The following ANKRD13A variants were observed in gnomAD, a reference collection of about 807,000 sequenced individuals.
ANKRD13A encodes ankyrin repeat domain 13A, also known as ankyrin repeat domain-containing protein 13A.
Under a neutral mutation model 81.3 loss-of-function variants are expected in ANKRD13A, and 48 were observed. The ratio of observed to expected loss-of-function variants is 0.59; its 90% CI spans 0.47 to 0.75. The LOEUF (loss-of-function observed/expected upper bound fraction) is 0.75. Among genes scored for constraint, ANKRD13A ranks in the 30% least tolerant of loss-of-function variants. The pLI is 0.00. For synonymous variants in ANKRD13A, 230 were observed against 270.1 expected, an observed-to-expected ratio of 0.85 and a Z score of 1.45; for missense variants, 612 against 734.0, an observed-to-expected ratio of 0.83 and a Z score of 1.92.
intron 3 of ANKRD13A, among the ~76,000 whole-genome samples, chr12:110,016,068 C>T (rs1890786364): frequency 6.6e-6 from 1 of 151,762 alleles, no homozygotes; most frequent in Non-Finnish European, 1.5e-5. Flanking sequence ...CCTCCCACCT[C>T]AGCCTCCTGA....
chr12:110,020,156 C>T (rs982160514), intron 6 of ANKRD13A, among the ~76,000 whole-genome samples: 1 of 152,066 alleles, frequency 6.6e-6, no homozygotes, highest in Admixed American at 6.6e-5. Context: ...ACATCCAGCT[C>T]TCTGCAAGTC....
chr12:110,016,753 ATTT>A (rs1890824415), intron 4 of ANKRD13A, among the ~76,000 whole-genome samples: 1 of 151,730 alleles, frequency 6.6e-6, no homozygotes, highest in Non-Finnish European at 1.5e-5. Context: ...ATGTCACTTT[ATTT>A]TTATTTTTTA....
chr12:110,023,965 A>C (rs371655787), intron 6 of ANKRD13A, 81 bp from the exon 7 acceptor site: 3 of 1,406,026 alleles, frequency 2.1e-6, no homozygotes, highest in South Asian at 2.5e-5. Flanking sequence ...GCTGGGGGGG[A>C]AAAAAACTAT....
intron 1 of ANKRD13A, among the ~76,000 whole-genome samples, chr12:110,000,459 T>C (rs1227203373): frequency 6.6e-6 from 1 of 152,208 alleles, no homozygotes; most frequent in Non-Finnish European, 1.5e-5. Flanking sequence ...TAAAATCCCT[T>C]CCTGTTCTAA....
intron 1 of ANKRD13A, among the ~76,000 whole-genome samples, chr12:110,005,425 C>T (rs900249383): frequency 6.6e-6 from 1 of 152,178 alleles, no homozygotes; most frequent in Admixed American, 6.5e-5. Context: ...GCCACTGCAC[C>T]CACCCTGTAA....
rs73205045 is a variant in ANKRD13A at position 110,006,895 on chromosome 12, C to T, written c.97-5110C>T. ...ATAGGGATGAGCCAATGAGCTCAGCCAAAATTTTGTTCTTTTGCATGTAGA... is the reference window on the plus strand; with the variant it reads ...ATAGGGATGAGCCAATGAGCTCAGCTAAAATTTTGTTCTTTTGCATGTAGA... On this transcript the variant is annotated intron_variant, in intron 1 of 14. Transcript: ENST00000261739. 8.5e-3 allele frequency among the ~76,000 whole-genome samples: 1,289 copies of T among 152,278 alleles called. 15 individuals carry two copies. The highest frequency in any genetic ancestry group is 0.014 in the Non-Finnish European group (962 of 68,018).
rs1301675913 is a variant in ANKRD13A at position 109,999,937 on chromosome 12, G to C, written c.96+153G>C. Among the ~76,000 whole-genome samples the C allele has an allele frequency of 6.6e-6, 1 of 152,202 alleles. No homozygotes were observed. Among genetic ancestry groups the C allele is most frequent in the Non-Finnish European group, 1.5e-5 (1 of 68,038 alleles). ...TGGGACAGTCCTAATAATAGGACAC[G>C]TATCGAGTGCTTACCGTGCGACGGG... On this transcript the variant is annotated intron_variant, in intron 1 of 14. Coordinates refer to ENST00000261739, the MANE Select transcript of ANKRD13A (RefSeq NM_033121.2). This position sits in a 1 kb window ranked among gnomAD's most constrained non-coding sequence, Gnocchi z 4.3.
rs1892151655 is a variant in ANKRD13A at position 110,037,738 on chromosome 12, G to A, written c.*184G>A. The stretch of plus-strand genomic sequence containing the variant: ...GGGCCCATCCAGGCTGCTCCCTGGG[G>A]TGGAGAAGGGACCAGGGATTGCAGG... On this transcript the variant is annotated 3_prime_UTR_variant, in exon 15 of 15. Transcript: ENST00000261739. 2 of 549,132 alleles carry A rather than the reference G, an allele frequency of 3.6e-6. No homozygotes were observed. The highest frequency in any genetic ancestry group is 6.8e-5 in the Admixed American group (2 of 29,392). 34.0% of individuals were successfully genotyped at this position (549,132 alleles called of 1,614,324 possible).
rs762314023 is a variant in ANKRD13A, at chr12:110,025,722, C to A, written c.802-20C>A. 2 of 1,583,458 alleles carry A rather than the reference C, an allele frequency of 1.3e-6. No individual in the cohort carries two copies. Among genetic ancestry groups the A allele is most frequent in the South Asian group, 2.3e-5 (2 of 86,988 alleles). The stretch of plus-strand genomic sequence containing the variant: ...TTTTGATTCCCTGTGTCACTGTTTT[C>A]TTTCGCATACACCTCTCAGGTTTAC... On this transcript the variant is annotated intron_variant, in intron 7 of 14. Transcript: ENST00000261739.
intron 1 of ANKRD13A, among the ~76,000 whole-genome samples, chr12:110,000,779 C>G (rs1285003882): frequency 1.6e-5 from 2 of 126,688 alleles, no homozygotes; most frequent in South Asian, 5.1e-4. Context: ...TTTTTTGAGA[C>G]TGAGTTTCGC....
At chr12:110,028,019 G>T (rs1044059732) in intron 9 of ANKRD13A, 10 of 479,502 alleles carry the variant, frequency 2.1e-5, no homozygotes, top group African/African-American at 1.8e-4. Context: ...TAAACGAGGG[G>T]CCTCTTTATA....
rs534755664 is a variant in ANKRD13A, at chr12:110,028,535, T to C, written c.969T>C (p.Thr323=). 1.5e-5 allele frequency: 25 copies of C among 1,614,166 alleles called. No individual in the cohort carries two copies. Among genetic ancestry groups the C allele is most frequent in the Admixed American group, 5.0e-5 (3 of 60,016 alleles). ...AQGDLTTECA[T]ANNPTAITPD... is the part of the protein sequence containing the mutation. ...AGGACCTCACCACGGAATGTGCTAC[T>C]GCAAACAACCCCACAGCCATCACGC... The change falls in exon 10 of 15, where the codon ACT becomes ACC. Residue 323 remains threonine, a synonymous_variant. Coordinates refer to ENST00000261739, the MANE Select transcript of ANKRD13A (RefSeq NM_033121.2).
intron 3 of ANKRD13A, among the ~76,000 whole-genome samples, chr12:110,016,029 G>T (rs1389965693): frequency 6.7e-6 from 1 of 148,550 alleles, no homozygotes; most frequent in African/African-American, 2.5e-5. Flanking sequence ...TTGGCTCTCT[G>T]CAGCCTCCAC....
rs1318684844 is a variant in ANKRD13A, at chr12:110,018,287, G to T, written c.401-58G>T. 24 of 1,551,402 alleles carry T rather than the reference G, an allele frequency of 1.5e-5. No individual in the cohort carries two copies. The highest frequency in any genetic ancestry group is 2.0e-5 in the Non-Finnish European group (23 of 1,137,522). On this transcript the variant is annotated intron_variant, in intron 4 of 14. Transcript: ENST00000261739. The surrounding 1 kb of genome is among the most constrained non-coding windows in gnomAD (Gnocchi z 4.4). Reference sequence around the variant, plus strand: ...ATTAAATCAGAATCCTGATTTCCTGGCCTAGGTATTCTTCTTGGCCCTTGA... The same window carrying T: ...ATTAAATCAGAATCCTGATTTCCTGTCCTAGGTATTCTTCTTGGCCCTTGA...
intron 1 of ANKRD13A, among the ~76,000 whole-genome samples, chr12:110,003,271 A>G (rs1036751355): frequency 2.0e-5 from 3 of 152,104 alleles, no homozygotes; most frequent in Non-Finnish European, 4.4e-5. Flanking sequence ...GCAGGTGAAA[A>G]GTATAGCACC....
rs1889843124 is a variant in ANKRD13A at position 109,999,717 on chromosome 12, ACT to A, written c.30_31del (p.His10GlnfsTer54). On this transcript the variant is annotated frameshift_variant, in exon 1 of 15. Transcript: ENST00000261739. LOFTEE classifies it high-confidence loss of function. The surrounding 1 kb of genome is among the most constrained non-coding windows in gnomAD (Gnocchi z 4.3). ...TCCTCGGCCTGCGACGCGGGCGACCACTACCCCCTGCACCTCCTAGTCTGGAA... is the reference window on the plus strand; with the variant it reads ...TCCTCGGCCTGCGACGCGGGCGACCAACCCCCTGCACCTCCTAGTCTGGAA... 2 of 1,539,656 alleles carry A rather than the reference ACT, an allele frequency of 1.3e-6. No individual in the cohort carries two copies. The highest frequency in any genetic ancestry group is 2.8e-5 in the African/African-American group (2 of 72,064).
At chr12:110,028,188 C>G (rs1222621524) in intron 9 of ANKRD13A, 3 of 323,456 alleles carry the variant, frequency 9.3e-6, no homozygotes, top group Non-Finnish European at 1.7e-5. Flanking sequence ...CAAAGCTAGA[C>G]AGGGAAACAG....
At position 110,013,237 on chromosome 12, in the gene ANKRD13A, A is replaced by G. The variant is rs1890622306; in HGVS notation, c.342A>G (p.Gln114=). The change falls in exon 3 of 15, where the codon CAA becomes CAG. Residue 114 remains glutamine (Q), a synonymous_variant. Transcript: ENST00000261739. ...MALEGVPELL[Q]KILEAPDFYV... ...TTGAGGGAGTTCCTGAGCTGCTCCA[A>G]AAAATTCTCGAGGTATCCATGAAAA... is the stretch of plus-strand genomic sequence containing the variant. 6.2e-7 allele frequency: 1 copy of G among 1,614,080 alleles called. No homozygotes were observed. Among genetic ancestry groups the G allele is most frequent in the East Asian group, 2.2e-5 (1 of 44,878 alleles).
At position 110,029,548 on chromosome 12, in the gene ANKRD13A, G is replaced by C. The variant is rs1243696277; in HGVS notation, c.1147G>C (p.Asp383His). ...SLVEQVIPII[D>H]LMARTSAHFA... ...GGTGGAGCAGGTCATTCCCATCATT[G>C]ACCTAATGGCTCGAACGAGTGCTCA... is the stretch of plus-strand genomic sequence containing the variant. Residue 383 changes from aspartate to histidine, a missense_variant, in exon 11 of 15, where the codon GAC becomes CAC. Coordinates refer to ENST00000261739, the MANE Select transcript of ANKRD13A (RefSeq NM_033121.2). 6.2e-7 allele frequency: 1 copy of C among 1,614,034 alleles called. No homozygotes were observed. Among genetic ancestry groups the C allele is most frequent in the Admixed American group, 1.7e-5 (1 of 59,998 alleles).
Sources: gnomAD v4.1 joint callset for allele counts (sites outside exome capture counted in the v4.1 genomes callset) on GRCh38, gnomAD v4.1.1 for gene constraint, Gnocchi (gnomAD v3.1) non-coding constraint, MANE v1.5 for transcripts, NCBI Gene and HGNC (gene_info 2026-07-23, HGNC 2026-07-21) for gene names.